The following HS2ST1 variants were observed in gnomAD, a reference collection of about 807,000 sequenced individuals.
HS2ST1 encodes the protein 2-O-sulfotransferase.
A neutral mutation model predicts 42.9 loss-of-function variants in HS2ST1; 18 were observed. That is an observed-to-expected ratio of 0.42 (90% CI 0.29 to 0.62). The LOEUF is 0.62. Among genes scored for constraint, HS2ST1 ranks in the 20% least tolerant of loss-of-function variants. The pLI is 0.21. For synonymous variants in HS2ST1, 146 were observed against 152.9 expected, an observed-to-expected ratio of 0.95 and a Z score of 0.33; for missense variants, 334 against 433.8, an observed-to-expected ratio of 0.77 and a Z score of 2.04.
At chr1:86,981,632 A>G (rs981527894) in intron 1 of HS2ST1, among the ~76,000 whole-genome samples, 2 of 152,068 alleles carry the variant, frequency 1.3e-5, no homozygotes, top group African/African-American at 4.8e-5. Flanking sequence ...CCAAAATCTC[A>G]TTTGATTCCA....
chr1:87,089,389 G>T (rs1255431533), intron 3 of HS2ST1, among the ~76,000 whole-genome samples: 1 of 152,018 alleles, frequency 6.6e-6, no homozygotes, highest in Non-Finnish European at 1.5e-5. Flanking sequence ...GGAAGATCGT[G>T]TTCTAACAGG....
intron 1 of HS2ST1, among the ~76,000 whole-genome samples, chr1:87,008,455 T>C (rs1285498974): frequency 1.3e-5 from 2 of 152,216 alleles, no homozygotes; most frequent in African/African-American, 4.8e-5. Context: ...CACTGTAATA[T>C]TTTGAAACAT....
At chr1:87,096,317 A>G (rs1652065323) in intron 4 of HS2ST1, among the ~76,000 whole-genome samples, 2 of 152,192 alleles carry the variant, frequency 1.3e-5, no homozygotes, top group South Asian at 4.1e-4. Context: ...TTAACCAAGC[A>G]TAATTTTGAA....
At chr1:86,942,297 C>T (rs183765835) in intron 1 of HS2ST1, among the ~76,000 whole-genome samples, 2 of 152,208 alleles carry the variant, frequency 1.3e-5, no homozygotes, top group African/African-American at 4.8e-5. Context: ...CCAACTCTTT[C>T]ATCTTTAGTA....
intron 1 of HS2ST1, among the ~76,000 whole-genome samples, chr1:87,019,874 CAG>C (rs1388490788): frequency 1.3e-5 from 2 of 152,200 alleles, no homozygotes; most frequent in Non-Finnish European, 2.9e-5. Flanking sequence ...ATCTGTTCTA[CAG>C]AGTGTGTTTG....
intron 2 of HS2ST1, among the ~76,000 whole-genome samples, chr1:87,074,049 T>G (rs1651480818): frequency 1.3e-5 from 2 of 152,226 alleles, no homozygotes; most frequent in Non-Finnish European, 2.9e-5. Flanking sequence ...ACTATAATCC[T>G]TACACTTAAA....
intron 2 of HS2ST1, among the ~76,000 whole-genome samples, chr1:87,076,800 C>T (rs1054412780): frequency 6.6e-6 from 1 of 152,106 alleles, no homozygotes; most frequent in Non-Finnish European, 1.5e-5. Context: ...TTCTTTTTTG[C>T]TCTCATATGT....
chr1:86,946,822 A>G (rs1647355614), intron 1 of HS2ST1, among the ~76,000 whole-genome samples: 1 of 152,222 alleles, frequency 6.6e-6, no homozygotes, highest in East Asian at 1.9e-4. Context: ...AAGACATTTG[A>G]CTCAGTTACC....
At chr1:86,922,387 T>C (rs1349436743) in intron 1 of HS2ST1, among the ~76,000 whole-genome samples, 2 of 151,636 alleles carry the variant, frequency 1.3e-5, no homozygotes, top group East Asian at 1.9e-4. Context: ...AAAAATTTGC[T>C]GACATATTTA....
chr1:86,921,348 A>T (rs1021599475), intron 1 of HS2ST1, among the ~76,000 whole-genome samples: 1 of 152,176 alleles, frequency 6.6e-6, no homozygotes, highest in Non-Finnish European at 1.5e-5. Flanking sequence ...GTATATGCAC[A>T]TTTAGGCTGT....
rs1006437295 is a variant in HS2ST1 at position 86,914,846 on chromosome 1, C to T, written c.-191C>T. On this transcript the variant is annotated 5_prime_UTR_variant, in exon 1 of 7. Transcript: ENST00000370550. Reference sequence around the variant, plus strand: ...TCGGCTGAGGAGAAGCGGACACCAGCGGCGTTGGTGATAGCGCCTGGGGGA... The same window carrying T: ...TCGGCTGAGGAGAAGCGGACACCAGTGGCGTTGGTGATAGCGCCTGGGGGA... 5.0e-5 allele frequency: 31 copies of T among 617,720 alleles called. No individual in the cohort carries two copies. Among genetic ancestry groups the T allele is most frequent in the Middle Eastern group, 4.3e-4 (1 of 2,304 alleles). 38.3% of individuals were successfully genotyped at this position (617,720 alleles called of 1,614,324 possible).
chr1:86,919,683 C>T (rs1660250007), intron 1 of HS2ST1, among the ~76,000 whole-genome samples: 1 of 152,140 alleles, frequency 6.6e-6, no homozygotes, highest in South Asian at 2.1e-4. Flanking sequence ...TAACTTTCAT[C>T]AGATTTGCAA....
intron 1 of HS2ST1, among the ~76,000 whole-genome samples, chr1:86,927,651 G>T (rs72947859): frequency 0.024 from 3,593 of 152,250 alleles, 75 homozygotes; most frequent in African/African-American, 0.049. Context: ...GATGATGTCA[G>T]TTGGGAAAGG....
chr1:86,997,473 C>G (rs904680383), intron 1 of HS2ST1, among the ~76,000 whole-genome samples: 2 of 143,874 alleles, frequency 1.4e-5, no homozygotes, highest in Non-Finnish European at 3.0e-5. Context: ...ATATATTCAC[C>G]TGTGTAAATT....
In HS2ST1 at chr1:87,092,597, T is replaced by A. The variant is rs140861286; in HGVS notation, c.516T>A (p.Ser172=). Residue 172 remains serine (S), a synonymous_variant, in exon 4 of 7, where the codon TCT becomes TCA. Coordinates refer to ENST00000370550, the MANE Select transcript of HS2ST1 (RefSeq NM_012262.4). ...VIRDPIERLV[S]YYYFLRFGDD... Reference sequence around the variant, plus strand: ...GGGATCCTATTGAGAGGCTAGTTTCTTATTATTACTTTCTGAGATTTGGAG... The same window carrying A: ...GGGATCCTATTGAGAGGCTAGTTTCATATTATTACTTTCTGAGATTTGGAG... The A allele has an allele frequency of 6.0e-5, 96 of 1,591,696 alleles. No individual in the cohort carries two copies. In the African/African-American group the frequency reaches 1.2e-3, roughly 20 times the overall value.
chr1:86,988,557 G>A lies in HS2ST1; in HGVS notation c.124+73397G>A, dbSNP rs367705390. 6.6e-5 allele frequency among the ~76,000 whole-genome samples: 10 copies of A among 152,324 alleles called. No individual in the cohort carries two copies. The East Asian group carries it at 1.2e-3, about 18-fold the overall frequency. ...AAAAGTGTAATGTTGGTTCGAGCTC[G>A]AGAAGGAATCTGGATTCTGGTAGCT... On this transcript the variant is annotated intron_variant, in intron 1 of 6. Coordinates refer to ENST00000370550, the MANE Select transcript of HS2ST1 (RefSeq NM_012262.4).
At chr1:86,929,218 C>G (rs933910667) in intron 1 of HS2ST1, among the ~76,000 whole-genome samples, 5 of 151,812 alleles carry the variant, frequency 3.3e-5, no homozygotes, top group Admixed American at 3.3e-4. Flanking sequence ...ACAATAATAT[C>G]TAACTACTTT....
intron 1 of HS2ST1, among the ~76,000 whole-genome samples, chr1:86,949,607 C>G (rs1557490381): frequency 6.6e-6 from 1 of 152,158 alleles, no homozygotes; most frequent in Non-Finnish European, 1.5e-5. Context: ...CTTACCCTGT[C>G]CGATACAGTA....
At chr1:87,009,316 G>A (rs984410190) in intron 1 of HS2ST1, among the ~76,000 whole-genome samples, 1 of 152,172 alleles carries the variant, frequency 6.6e-6, no homozygotes, top group East Asian at 1.9e-4. Flanking sequence ...GAAAGAAGTA[G>A]GAAAGGTGAA....
Sources: allele counts gnomAD v4.1 joint callset (sites outside exome capture counted in the v4.1 genomes callset), GRCh38; gene constraint gnomAD v4.1.1; transcripts MANE v1.5; gene names NCBI Gene and HGNC (gene_info 2026-07-23, HGNC 2026-07-21).